The following HIVEP3 variants were observed in gnomAD, a reference collection of about 807,000 sequenced individuals.
HIVEP3 encodes HIVEP zinc finger 3, also known as transcription factor HIVEP3.
HIVEP3 carries 49 observed loss-of-function variants against 152.8 expected under a neutral mutation model. The observed-to-expected ratio is 0.32, with a 90% CI of 0.26 to 0.41. HIVEP3 has a LOEUF of 0.41. Ranked by LOEUF, HIVEP3 falls within the 10% of genes least tolerant of loss-of-function variation. HIVEP3 has a pLI of 1.00. For missense variants in HIVEP3, 2,790 were observed against 3,103.3 expected (o/e 0.90, Z 2.40); for synonymous variants, 1,269 against 1,289.0 (o/e 0.98, Z 0.33).
chr1:41,874,971 G>A (rs991365620), intron 1 of HIVEP3, among the ~76,000 whole-genome samples: 7 of 152,130 alleles, frequency 4.6e-5, no homozygotes, highest in East Asian at 1.9e-4. Context: ...TTCCGCCCTC[G>A]CCACTTGTCT....
chr1:41,728,217 C>G (rs184713638), intron 1 of HIVEP3, among the ~76,000 whole-genome samples: 9 of 152,308 alleles, frequency 5.9e-5, no homozygotes, highest in African/African-American at 1.9e-4. Context: ...GTGACTTGAC[C>G]TCTCTGAGTA....
chr1:41,673,514 T>C (rs1472823127), intron 2 of HIVEP3, among the ~76,000 whole-genome samples: 1 of 152,190 alleles, frequency 6.6e-6, no homozygotes, highest in African/African-American at 2.4e-5. Context: ...TTACAGGCAG[T>C]GCACCAGACC....
chr1:41,612,080 C>A (rs890643100), intron 3 of HIVEP3, among the ~76,000 whole-genome samples: 2 of 150,804 alleles, frequency 1.3e-5, no homozygotes, highest in African/African-American at 4.9e-5. Context: ...TCCCCACCTT[C>A]CTCCTCCCAC....
intron 5 of HIVEP3, among the ~76,000 whole-genome samples, chr1:41,562,643 C>CTCTT (rs58319899): frequency 0.27 from 32,339 of 118,590 alleles, 5,858 homozygotes; most frequent in East Asian, 0.51. Flanking sequence ...CCCTCTCTCT[C>CTCTT]TCTTTCTTTC....
intron 1 of HIVEP3, among the ~76,000 whole-genome samples, chr1:41,811,639 C>G (rs1366290567): frequency 1.3e-5 from 2 of 151,920 alleles, no homozygotes; most frequent in Admixed American, 6.6e-5. Flanking sequence ...TCCAGAGACA[C>G]TGTCCTGAAC....
At chr1:41,996,102 AAGAGCTGGGGTCC>A (rs2124520744) in intron 1 of HIVEP3, among the ~76,000 whole-genome samples, 1 of 152,018 alleles carries the variant, frequency 6.6e-6, no homozygotes, top group South Asian at 2.1e-4. Context: ...GGAAGATTCA[AAGAGCTGGGGTCC>A]AGAGGCAGTG....
intron 1 of HIVEP3, among the ~76,000 whole-genome samples, chr1:41,803,941 G>A (rs1404146060): frequency 1.3e-5 from 2 of 152,170 alleles, no homozygotes; most frequent in Non-Finnish European, 2.9e-5. Flanking sequence ...TGTCTTCATT[G>A]TTAGGAAGCA....
Position 41,583,952 on chromosome 1 carries a change from T to C in HIVEP3, c.846A>G (p.Thr282=). 1 of 1,614,176 alleles carries C rather than the reference T, an allele frequency of 6.2e-7. No homozygotes were observed. Among genetic ancestry groups the C allele is most frequent in the East Asian group, 2.2e-5 (1 of 44,882 alleles). ...EFEEPTEGES[T]DSEEETSATS... ...TGGCACTAGTCTCCTCTTCAGAATC[T>C]GTGCTTTCTCCCTCAGTGGGCTCCT... is the stretch of plus-strand genomic sequence containing the variant. The change falls in exon 4 of 9, where the codon ACA becomes ACG. Residue 282 remains threonine, a synonymous_variant. Coordinates refer to ENST00000372583, the MANE Select transcript of HIVEP3 (RefSeq NM_024503.5). The surrounding 1 kb of genome is among the most constrained non-coding windows in gnomAD (Gnocchi z 6.9).
chr1:41,548,456 T>C (rs909040396), intron 5 of HIVEP3, among the ~76,000 whole-genome samples: 2 of 152,220 alleles, frequency 1.3e-5, no homozygotes, highest in Admixed American at 6.5e-5. Flanking sequence ...AAGCTGCTCA[T>C]ACTGCACTTT....
chr1:41,970,862 G>A (rs1474219390), intron 1 of HIVEP3, among the ~76,000 whole-genome samples: 1 of 152,130 alleles, frequency 6.6e-6, no homozygotes, highest in East Asian at 1.9e-4. Flanking sequence ...AACATCTAGG[G>A]CTACCAGAAG....
In HIVEP3 at chr1:41,696,158, G is replaced by A. The variant is rs1025638640; in HGVS notation, c.-721+4758C>T. ...ATGAGGGTGAGACTCCTGAAGACCA[G>A]TCCACACCCCTGAGGGCATTTCAGA... On this transcript the variant is annotated intron_variant, in intron 2 of 8. Transcript: ENST00000372583. Among the ~76,000 whole-genome samples, 10 of 152,254 alleles carry A rather than the reference G, an allele frequency of 6.6e-5. No individual in the cohort carries two copies. The East Asian group carries it at 1.9e-3, about 29-fold the overall frequency.
intron 1 of HIVEP3, among the ~76,000 whole-genome samples, chr1:41,729,018 C>G (rs1646799584): frequency 6.6e-6 from 1 of 152,192 alleles, no homozygotes; most frequent in Admixed American, 6.5e-5. Flanking sequence ...CTCTCAGTCA[C>G]CATCTCCCAC....
chr1:41,919,866 T>G (rs374661511), upstream of HIVEP3, among the ~76,000 whole-genome samples: 6 of 152,238 alleles, frequency 3.9e-5, no homozygotes, highest in Admixed American at 2.6e-4. Flanking sequence ...GGCAAATGTC[T>G]TTGACAGTTT....
At chr1:41,798,702 T>G (rs992037539) in intron 1 of HIVEP3, among the ~76,000 whole-genome samples, 3 of 152,216 alleles carry the variant, frequency 2.0e-5, no homozygotes, top group African/African-American at 4.8e-5. Context: ...CTTTGTTAAA[T>G]AATCTATTGT....
chr1:41,548,280 C>G (rs957581692), intron 5 of HIVEP3, among the ~76,000 whole-genome samples: 1 of 152,192 alleles, frequency 6.6e-6, no homozygotes, highest in African/African-American at 2.4e-5. Context: ...GTAGCGATCA[C>G]TCTCCCCACC....
chr1:41,724,677 C>T (rs546510401), intron 1 of HIVEP3, among the ~76,000 whole-genome samples: 3 of 152,206 alleles, frequency 2.0e-5, no homozygotes, highest in African/African-American at 4.8e-5. Flanking sequence ...CATTAAGATG[C>T]TGATACCATG....
chr1:41,599,558 G>A (rs186926586), intron 3 of HIVEP3, among the ~76,000 whole-genome samples: 3 of 152,242 alleles, frequency 2.0e-5, no homozygotes, highest in East Asian at 1.9e-4. Flanking sequence ...GGCAGTCAAC[G>A]CACCTGAAAA....
rs1439140038 is a variant in HIVEP3 at position 41,508,126 on chromosome 1, G to GT, written c.*2324dup. ...CAGGAGAGCTGGAAGGCAGGGTGGG[G>GT]TGGAGTGGTGTGGGGCCCCCCACCA... On this transcript the variant is annotated 3_prime_UTR_variant, in exon 9 of 9. Transcript: ENST00000372583. 2 of 152,350 alleles carry GT rather than the reference G, an allele frequency of 1.3e-5. No homozygotes were observed. Among genetic ancestry groups the GT allele is most frequent in the East Asian group, 3.9e-4 (2 of 5,192 alleles). The allele number at this position is 152,350 out of a possible 1,614,324, so 9.4% of individuals were successfully genotyped here.
chr1:41,637,810 G>A (rs1232850917), intron 2 of HIVEP3, among the ~76,000 whole-genome samples: 1 of 152,144 alleles, frequency 6.6e-6, no homozygotes, highest in Non-Finnish European at 1.5e-5. Flanking sequence ...TGATATAAAA[G>A]TATAGAGACA....
Sources: gnomAD v4.1 joint callset for allele counts (sites outside exome capture counted in the v4.1 genomes callset) on GRCh38, gnomAD v4.1.1 for gene constraint, Gnocchi (gnomAD v3.1) non-coding constraint, MANE v1.5 for transcripts, NCBI Gene and HGNC (gene_info 2026-07-23, HGNC 2026-07-21) for gene names.